Variants in HSD17B6 observed in about 807,000 individuals in gnomAD.
HSD17B6 encodes the protein 17-beta-hydroxysteroid dehydrogenase type 6.
HSD17B6 carries 16 observed loss-of-function variants against 26.4 expected under a neutral mutation model. That is an observed-to-expected ratio of 0.61 (90% CI 0.41 to 0.92). The LOEUF (loss-of-function observed/expected upper bound fraction) is 0.92, where lower values mean the gene tolerates loss of function less well. HSD17B6 is among the 40% of genes least tolerant of loss of function. The pLI is 0.00. For synonymous variants in HSD17B6, 139 were observed against 153.0 expected (o/e 0.91, Z 0.68); for missense variants, 357 against 386.1 (o/e 0.92, Z 0.63).
chr12:56,765,420 G>C lies in HSD17B6; in HGVS notation c.-20+2006G>C, dbSNP rs549247580. ...CACTGCACTCCAGCCTGGCGACAGA[G>C]CAAGATTCCGTCTCAAAACAAACAA... On this transcript the variant is annotated intron_variant, in intron 1 of 4. Coordinates refer to ENST00000322165, the MANE Select transcript of HSD17B6 (RefSeq NM_003725.4). 2.9e-4 allele frequency among the ~76,000 whole-genome samples: 44 copies of C among 152,186 alleles called. No homozygotes were observed. In the South Asian group the frequency reaches 3.5e-3, roughly 12 times the overall value.
At chr12:56,780,884 C>T (rs575942269) in intron 2 of HSD17B6, among the ~76,000 whole-genome samples, 6 of 148,954 alleles carry the variant, frequency 4.0e-5, no homozygotes, top group African/African-American at 1.5e-4. Context: ...GCTAGCCAAT[C>T]GAGACAAATA....
intron 1 of HSD17B6, among the ~76,000 whole-genome samples, chr12:56,767,373 C>T (rs538183667): frequency 4.6e-5 from 7 of 150,912 alleles, no homozygotes; most frequent in South Asian, 2.1e-4. Context: ...AAAAATTAGC[C>T]GGGCGTGGTG....
Position 56,767,613 on chromosome 12 carries a change from T to A in HSD17B6, c.-20+4199T>A, listed in dbSNP as rs1208700539. Among the ~76,000 whole-genome samples the A allele has an allele frequency of 1.6e-4, 18 of 110,352 alleles. No homozygotes were observed. In the Admixed American group the frequency reaches 1.9e-3, roughly 12 times the overall value. The allele number at this position is 110,352 out of a possible 152,430, so 72.4% of individuals were successfully genotyped here. On this transcript the variant is annotated intron_variant, in intron 1 of 4. Coordinates refer to ENST00000322165, the MANE Select transcript of HSD17B6 (RefSeq NM_003725.4). The stretch of plus-strand genomic sequence containing the variant: ...TATTATATATATACACATACATATA[T>A]TAATATATAACATATATATTATATT...
At position 56,763,397 on chromosome 12, in the gene HSD17B6, T is replaced by C. The variant is rs895370172; in HGVS notation, c.-37T>C. 6.5e-6 allele frequency: 1 copy of C among 152,880 alleles called. No homozygotes were observed. The highest frequency in any genetic ancestry group is 2.4e-5 in the African/African-American group (1 of 41,228). 9.5% of individuals were successfully genotyped at this position (152,880 alleles called of 1,614,324 possible). The stretch of plus-strand genomic sequence containing the variant: ...TCCTTTCAAGTCTCTAGGACTGGAC[T>C]CTTCCTAAGCAAGTCCGGTATGTAG... On this transcript the variant is annotated 5_prime_UTR_variant, in exon 1 of 5. Coordinates refer to ENST00000322165, the MANE Select transcript of HSD17B6 (RefSeq NM_003725.4).
chr12:56,768,908 C>G (rs181754957), intron 1 of HSD17B6, among the ~76,000 whole-genome samples: 2 of 151,784 alleles, frequency 1.3e-5, no homozygotes, highest in Non-Finnish European at 2.9e-5. Flanking sequence ...TAGTGAAGCA[C>G]CCCTAAAATG....
chr12:56,766,280 C>G (rs959865426), intron 1 of HSD17B6, among the ~76,000 whole-genome samples: 2 of 152,310 alleles, frequency 1.3e-5, no homozygotes, highest in East Asian at 3.9e-4. Flanking sequence ...CACACAAAGC[C>G]TGTTTGGTGA....
chr12:56,775,253 T>C (rs542818928), intron 2 of HSD17B6, among the ~76,000 whole-genome samples: 1 of 152,338 alleles, frequency 6.6e-6, no homozygotes, highest in South Asian at 2.1e-4. Flanking sequence ...TAATTCTTTA[T>C]ATTTGAGGAG....
intron 1 of HSD17B6, among the ~76,000 whole-genome samples, chr12:56,768,108 A>T (rs1954384226): frequency 6.6e-6 from 1 of 152,134 alleles, no homozygotes; most frequent in South Asian, 2.1e-4. Flanking sequence ...TCACAGACAG[A>T]ATCCAATGAG....
chr12:56,779,292 A>G (rs980876992), intron 2 of HSD17B6, among the ~76,000 whole-genome samples: 1 of 151,964 alleles, frequency 6.6e-6, no homozygotes, highest in African/African-American at 2.4e-5. Context: ...GCACCACCAC[A>G]CTTAGCTAAC....
chr12:56,772,345 T>C (rs1954491907), intron 1 of HSD17B6, among the ~76,000 whole-genome samples: 1 of 152,086 alleles, frequency 6.6e-6, no homozygotes, highest in Non-Finnish European at 1.5e-5. Context: ...CTGACTCAAG[T>C]AGTTGTTGAA....
intron 1 of HSD17B6, among the ~76,000 whole-genome samples, chr12:56,769,027 G>A (rs1954408172): frequency 6.6e-6 from 1 of 150,904 alleles, no homozygotes; most frequent in Non-Finnish European, 1.5e-5. Flanking sequence ...GAAAGAAGTA[G>A]AGGGGAGTGG....
At chr12:56,779,022 C>T (rs926862090) in intron 2 of HSD17B6, among the ~76,000 whole-genome samples, 1 of 152,002 alleles carries the variant, frequency 6.6e-6, no homozygotes, top group Non-Finnish European at 1.5e-5. Context: ...TTCTGTGTCT[C>T]TGTATTTTAT....
At chr12:56,768,242 G>C (rs1017887295) in intron 1 of HSD17B6, among the ~76,000 whole-genome samples, 1 of 152,134 alleles carries the variant, frequency 6.6e-6, no homozygotes, top group Non-Finnish European at 1.5e-5. Context: ...CTGAGGAGAA[G>C]AGAGAGGAAG....
At chr12:56,764,499 A>C (rs2137889573) in intron 1 of HSD17B6, among the ~76,000 whole-genome samples, 1 of 152,356 alleles carries the variant, frequency 6.6e-6, no homozygotes, top group South Asian at 2.1e-4. Context: ...GGTGTAATGC[A>C]CCAGATAATG....
chr12:56,782,320 C>A, intron 3 of HSD17B6, 88 bp downstream of exon 3: 3 of 1,226,030 alleles, frequency 2.4e-6, no homozygotes, highest in African/African-American at 1.5e-5. Flanking sequence ...CTTATTTCAT[C>A]ACTCCTCAAA....
chr12:56,780,997 A>G (rs1406576347), intron 2 of HSD17B6, among the ~76,000 whole-genome samples: 1 of 152,172 alleles, frequency 6.6e-6, no homozygotes, highest in Non-Finnish European at 1.5e-5. Flanking sequence ...GTATACTCTC[A>G]TGGCAAATCT....
chr12:56,786,951 A>G (rs1285293935), intron 4 of HSD17B6, among the ~76,000 whole-genome samples, 174 bp from the exon 5 acceptor site: 1 of 152,240 alleles, frequency 6.6e-6, no homozygotes, highest in African/African-American at 2.4e-5. Flanking sequence ...CCAGTGCATT[A>G]GCTATTGTTT....
At chr12:56,772,984 A>G (rs1364998280) in intron 1 of HSD17B6, among the ~76,000 whole-genome samples, 1 of 151,970 alleles carries the variant, frequency 6.6e-6, no homozygotes, top group South Asian at 2.1e-4. Flanking sequence ...CCCATATTTG[A>G]CCTCTACCTA....
intron 2 of HSD17B6, among the ~76,000 whole-genome samples, chr12:56,777,365 ATTT>A (rs60596799): frequency 2.2e-5 from 3 of 138,900 alleles, no homozygotes; most frequent in Non-Finnish European, 4.6e-5. Flanking sequence ...CAAAGTGTAA[ATTT>A]TTTTTTTTTT....
Sources: allele counts gnomAD v4.1 joint callset (sites outside exome capture counted in the v4.1 genomes callset), GRCh38; gene constraint gnomAD v4.1.1; transcripts MANE v1.5; gene names NCBI Gene and HGNC (gene_info 2026-07-23, HGNC 2026-07-21).